Variants in COL1A2 observed in about 807,000 individuals in gnomAD.
COL1A2 encodes the protein collagen type I alpha 2 chain.
In COL1A2, 49 loss-of-function variants were observed where a neutral mutation model predicts 174.3. The ratio of observed to expected loss-of-function variants is 0.28; its 90% CI spans 0.22 to 0.36. The LOEUF is 0.36. COL1A2 is among the 10% of genes least tolerant of loss of function. The pLI, the probability that COL1A2 is intolerant of heterozygous loss-of-function variation, is 1.00. For synonymous variants in COL1A2, 655 were observed against 606.6 expected, an observed-to-expected ratio of 1.08 and a Z score of -1.17; for missense variants, 1,438 against 1,822.7, an observed-to-expected ratio of 0.79 and a Z score of 3.84.
At chr7:94,407,319 T>G (rs1791823356) in intron 12 of COL1A2, among the ~76,000 whole-genome samples, 1 of 145,602 alleles carries the variant, frequency 6.9e-6, no homozygotes, top group Non-Finnish European at 1.5e-5. Context: ...AAAGTTCTTT[T>G]ACATGTGCCA....
intron 41 of COL1A2, 71 bp from the exon 42 acceptor site, chr7:94,425,046 T>C: frequency 7.7e-7 from 1 of 1,300,022 alleles, no homozygotes; most frequent in Admixed American, 1.7e-5. Context: ...CTGAGTAGGG[T>C]TGTTTTGGAG....
chr7:94,411,099 G>T lies in COL1A2; in HGVS notation c.1295G>T (p.Arg432Leu). 2.5e-6 allele frequency: 4 copies of T among 1,603,608 alleles called. No homozygotes were observed. Among genetic ancestry groups the T allele is most frequent in the Non-Finnish European group, 3.4e-6 (4 of 1,175,288 alleles). ...SRGASGPAGV[R>L]GPNGDAGRPG... ...GGTGCAAGTGGCCCTGCTGGAGTCC[G>T]AGGACCTAATGGAGATGCTGGTCGC... The change falls in exon 23 of 52, where the codon CGA becomes CTA. Residue 432 changes from arginine (R) to leucine (L), a missense_variant. By Grantham distance (102) the Arg-to-Leu change is moderately radical (BLOSUM62 -2). Transcript: ENST00000297268.
At chr7:94,421,465 G>A (rs1792161056) in intron 38 of COL1A2, 2 of 370,982 alleles carry the variant, frequency 5.4e-6, no homozygotes, top group Non-Finnish European at 1.0e-5. Flanking sequence ...GGACAGTGCT[G>A]AATTATCTAG....
rs750852404 is a variant in COL1A2, at chr7:94,409,800, T to A, written c.1014T>A (p.Ala338=). The A allele has an allele frequency of 1.2e-6, 2 of 1,614,190 alleles. No individual in the cohort carries two copies. ...GIPGPVGAAG[A]TGARGLVGEP... ...CTGGCCCTGTTGGTGCTGCCGGTGC[T>A]ACTGGTGCCAGAGGACTTGTTGTAA... Residue 338 remains alanine, a synonymous_variant, in exon 19 of 52, where the codon GCT becomes GCA. Coordinates refer to ENST00000297268, the MANE Select transcript of COL1A2 (RefSeq NM_000089.4).
intron 3 of COL1A2, 40 bp from the exon 4 acceptor site, chr7:94,399,008 CT>C: frequency 6.3e-7 from 1 of 1,596,716 alleles, no homozygotes; most frequent in Non-Finnish European, 8.6e-7. Flanking sequence ...GAAATTACTT[CT>C]TAGGCATTTA....
intron 9 of COL1A2, 67 bp from the exon 10 acceptor site, chr7:94,405,132 A>T: frequency 6.5e-7 from 1 of 1,543,082 alleles, no homozygotes; most frequent in Non-Finnish European, 9.0e-7. Flanking sequence ...TGTAAAAACC[A>T]AGATTCCCCC....
chr7:94,404,057 C>T (rs1457262616), intron 6 of COL1A2, among the ~76,000 whole-genome samples: 1 of 152,114 alleles, frequency 6.6e-6, no homozygotes, highest in Non-Finnish European at 1.5e-5. Flanking sequence ...CTTAGAGGAG[C>T]GATAAGGTTA....
At position 94,420,274 on chromosome 7, in the gene COL1A2, T is replaced by G; in HGVS notation, c.2121T>G (p.Pro707=). The change falls in exon 35 of 52, where the codon CCT becomes CCG. Residue 707 remains proline (P), a synonymous_variant. Coordinates refer to ENST00000297268, the MANE Select transcript of COL1A2 (RefSeq NM_000089.4). ...GAAGPAGPAG[P]RGSPGERGEV... is the part of the protein sequence containing the mutation. Reference sequence around the variant, plus strand: ...CTGGTCCTGCTGGTCCTGCTGGTCCTCGGGGAAGCCCTGTAAGTAAGAACC... The same window carrying G: ...CTGGTCCTGCTGGTCCTGCTGGTCCGCGGGGAAGCCCTGTAAGTAAGAACC... 2 of 1,613,984 alleles carry G rather than the reference T, an allele frequency of 1.2e-6. No homozygotes were observed. Among genetic ancestry groups the G allele is most frequent in the South Asian group, 2.2e-5 (2 of 91,082 alleles).
chr7:94,425,034 T>C (rs1363800485), intron 41 of COL1A2, 83 bp from the exon 42 acceptor site: 1 of 1,188,270 alleles, frequency 8.4e-7, no homozygotes, highest in Admixed American at 1.8e-5. Flanking sequence ...AACTAGAATC[T>C]CCTGAGTAGG....
rs749621872 is a variant in COL1A2 at position 94,425,198 on chromosome 7, G to C, written c.2755G>C (p.Gly919Arg). ...PGAVGSPGVNGAPGEAGRDGN... is the reference protein window; with the variant it reads ...PGAVGSPGVNRAPGEAGRDGN... ...TGCTGTGGGTAGTCCTGGAGTCAAC[G>C]GTGCTCCTGGTGAAGCTGGTCGTGA... is the stretch of plus-strand genomic sequence containing the variant. The change falls in exon 42 of 52, where the codon GGT becomes CGT. Residue 919 changes from glycine to arginine, a missense_variant. By Grantham distance (125) the Gly-to-Arg change is moderately radical. Coordinates refer to ENST00000297268, the MANE Select transcript of COL1A2 (RefSeq NM_000089.4). The C allele has an allele frequency of 6.2e-7, 1 of 1,614,112 alleles. No individual in the cohort carries two copies. The highest frequency in any genetic ancestry group is 8.5e-7 in the Non-Finnish European group (1 of 1,180,010).
chr7:94,400,837 A>G (rs991284935), intron 5 of COL1A2, among the ~76,000 whole-genome samples: 3 of 152,180 alleles, frequency 2.0e-5, no homozygotes, highest in South Asian at 4.1e-4. Flanking sequence ...GAAGGAAAAC[A>G]TATTTGCTTA....
chr7:94,417,209 G>A (rs1792060253), intron 31 of COL1A2, among the ~76,000 whole-genome samples: 2 of 152,130 alleles, frequency 1.3e-5, no homozygotes. Flanking sequence ...TTGTGAGGTA[G>A]TACTTTCAAA....
chr7:94,413,667 G>A, intron 26 of COL1A2, 23 bp from the exon 27 acceptor site: 2 of 1,613,196 alleles, frequency 1.2e-6, no homozygotes, highest in South Asian at 2.2e-5. Flanking sequence ...CTAACCATCA[G>A]CCTTTCTGTT....
At chr7:94,420,326 A>G (rs1244134083) in intron 35 of COL1A2, 40 bp downstream of exon 35, 2 of 1,613,510 alleles carry the variant, frequency 1.2e-6, no homozygotes, top group Non-Finnish European at 1.7e-6. Context: ...CTCACACCTC[A>G]CAATGTTTAG....
intron 50 of COL1A2, 152 bp downstream of exon 50, chr7:94,428,629 A>G (rs1562908543): frequency 1.4e-6 from 1 of 718,682 alleles, no homozygotes; most frequent in Non-Finnish European, 2.4e-6. Context: ...TAAATTGCAC[A>G]TTAGAAGATG....
At chr7:94,421,148 T>A in intron 38 of COL1A2, 86 bp downstream of exon 38, 1 of 1,395,202 alleles carries the variant, frequency 7.2e-7, no homozygotes, top group Middle Eastern at 1.8e-4. Context: ...TTTGGTAAAT[T>A]TGGACTACCA....
In COL1A2 at chr7:94,425,763, A is replaced by C. The variant is rs780455474; in HGVS notation, c.2849A>C (p.Tyr950Ser). ...TGCCTTTGGTAGGGAGAGCGCGGTT[A>C]CCCTGGCAATATTGGTCCCGTTGGT... The part of the protein sequence containing the change: ...GQPGHKGERG[Y>S]PGNIGPVGAA... Residue 950 changes from tyrosine to serine, a missense_variant, in exon 44 of 52, where the codon TAC (tyrosine) becomes TCC (serine). Transcript: ENST00000297268. The C allele has an allele frequency of 3.7e-6, 6 of 1,613,440 alleles. No homozygotes were observed. Among genetic ancestry groups the C allele is most frequent in the Non-Finnish European group, 5.1e-6 (6 of 1,179,826 alleles).
Position 94,404,851 on chromosome 7 carries a change from G to A in COL1A2, c.391G>A (p.Ala131Thr). 1 of 1,614,046 alleles carries A rather than the reference G, an allele frequency of 6.2e-7. No individual in the cohort carries two copies. The highest frequency in any genetic ancestry group is 2.2e-5 in the East Asian group (1 of 44,874). Reference sequence around the variant, plus strand: ...CCCATTTTCTTAGGGTCCTGCAGGTGCTCGTGGTCCAGCTGGCCCTCCTGG... The same window carrying A: ...CCCATTTTCTTAGGGTCCTGCAGGTACTCGTGGTCCAGCTGGCCCTCCTGG... ...GEPGQTGPAG[A>T]RGPAGPPGKA... The change falls in exon 9 of 52, where the codon GCT becomes ACT. Residue 131 changes from alanine (A) to threonine (T), a missense_variant. Coordinates refer to ENST00000297268, the MANE Select transcript of COL1A2 (RefSeq NM_000089.4).
intron 51 of COL1A2, 63 bp downstream of exon 51, chr7:94,429,493 A>G (rs888861486): frequency 1.9e-6 from 3 of 1,595,210 alleles, no homozygotes; most frequent in Non-Finnish European, 2.6e-6. Context: ...TCTAACTTAG[A>G]CTGCCCCCAA....
Sources: gnomAD v4.1 joint callset for allele counts (sites outside exome capture counted in the v4.1 genomes callset) on GRCh38, gnomAD v4.1.1 for gene constraint, MANE v1.5 for transcripts, NCBI Gene and HGNC (gene_info 2026-07-23, HGNC 2026-07-21) for gene names.